DLG1: variants seen among roughly 807,000 people sequenced by gnomAD.
The protein encoded by DLG1 is disks large homolog 1.
In DLG1, 42 loss-of-function variants were observed where a neutral mutation model predicts 123.4. The ratio of observed to expected loss-of-function variants is 0.34; its 90% CI spans 0.27 to 0.44. The LOEUF (loss-of-function observed/expected upper bound fraction) is 0.44, where lower values mean the gene tolerates loss of function less well. DLG1 is among the 20% of genes least tolerant of loss of function. The probability of loss-of-function intolerance (pLI) is 1.00; values close to 1 mark genes in which losing one functional copy is unlikely to be tolerated. For synonymous variants in DLG1, 317 were observed against 356.2 expected (o/e 0.89, Z 1.24); for missense variants, 942 against 1,082.6 (o/e 0.87, Z 1.82).
chr3:197,135,767 A>G (rs1337597266), intron 10 of DLG1, among the ~76,000 whole-genome samples: 1 of 152,192 alleles, frequency 6.6e-6, no homozygotes, highest in Non-Finnish European at 1.5e-5. Context: ...AAAAGCTTCA[A>G]AACAAATAAT....
intron 14 of DLG1, among the ~76,000 whole-genome samples, chr3:197,092,597 C>T (rs1250362096): frequency 6.6e-6 from 1 of 152,088 alleles, no homozygotes; most frequent in Non-Finnish European, 1.5e-5. Flanking sequence ...AGCTCCTGGG[C>T]TCAAGCAATC....
intron 4 of DLG1, among the ~76,000 whole-genome samples, chr3:197,241,441 T>C (rs1748788057): frequency 6.6e-6 from 1 of 151,830 alleles, no homozygotes; most frequent in African/African-American, 2.4e-5. Flanking sequence ...AACACTACCA[T>C]GAAAAATAAA....
rs1808663448 is a variant in DLG1 at position 197,179,045 on chromosome 3, ACAGTT to A, written c.483+15375_483+15379del. On this transcript the variant is annotated intron_variant, in intron 5 of 24. Coordinates refer to ENST00000667157, the MANE Select transcript of DLG1 (RefSeq NM_001366207.1). Reference sequence around the variant, plus strand: ...GTGAATATGGGTAAGCTTTAGGCACACAGTTCATTTATTTTAGCAGGCTGGAACAC... The same window carrying A: ...GTGAATATGGGTAAGCTTTAGGCACACATTTATTTTAGCAGGCTGGAACAC... Among the ~76,000 whole-genome samples, 4 of 152,270 alleles carry A rather than the reference ACAGTT, an allele frequency of 2.6e-5. No homozygotes were observed. In the South Asian group the frequency reaches 8.3e-4, roughly 32 times the overall value.
At chr3:197,047,323 A>ATGTT (rs1724014894) in intron 24 of DLG1, among the ~76,000 whole-genome samples, 1 of 152,322 alleles carries the variant, frequency 6.6e-6, no homozygotes, top group Admixed American at 6.5e-5. Flanking sequence ...ATGTGGTAAA[A>ATGTT]TGTTAACACT....
At chr3:197,151,593 A>C (rs1420773760) in intron 5 of DLG1, among the ~76,000 whole-genome samples, 1 of 152,234 alleles carries the variant, frequency 6.6e-6, no homozygotes, top group Non-Finnish European at 1.5e-5. Context: ...GGGTATACAT[A>C]GAGTTCATTG....
intron 4 of DLG1, among the ~76,000 whole-genome samples, chr3:197,233,244 C>T (rs912297382): frequency 2.0e-5 from 3 of 152,114 alleles, no homozygotes; most frequent in Non-Finnish European, 4.4e-5. Flanking sequence ...AATACTCATA[C>T]ACTGAAAGTT....
chr3:197,294,495 C>CA (rs1482324367), intron 3 of DLG1, among the ~76,000 whole-genome samples: 1 of 151,666 alleles, frequency 6.6e-6, no homozygotes, highest in African/African-American at 2.4e-5. Flanking sequence ...AAATACAATA[C>CA]AAAAAATAAA....
At chr3:197,259,982 T>G (rs577322327) in intron 4 of DLG1, among the ~76,000 whole-genome samples, 1 of 152,232 alleles carries the variant, frequency 6.6e-6, no homozygotes, top group East Asian at 1.9e-4. Flanking sequence ...CTGAGAAGAT[T>G]TAAATATAAT....
At chr3:197,127,861 G>A (rs563905102) in intron 11 of DLG1, among the ~76,000 whole-genome samples, 1 of 152,098 alleles carries the variant, frequency 6.6e-6, no homozygotes, top group African/African-American at 2.4e-5. Context: ...GTAAGGAATA[G>A]CATTATGTCT....
rs776563318 is a variant in DLG1 at position 197,044,380 on chromosome 3, A to C, written c.*243T>G. The C allele has an allele frequency of 1.8e-4, 58 of 330,874 alleles. 1 individual carries two copies. Among genetic ancestry groups the C allele is most frequent in the Non-Finnish European group, 3.0e-4 (55 of 183,310 alleles). The allele number at this position is 330,874 out of a possible 1,614,324, so 20.5% of individuals were successfully genotyped here. On this transcript the variant is annotated 3_prime_UTR_variant, in exon 25 of 25. Transcript: ENST00000667157. Reference sequence around the variant, plus strand: ...AATTTCTGCGTCTCCCCACGTTCTTAATAGCTGGTCAGGCCATTCCATCTT... The same window carrying C: ...AATTTCTGCGTCTCCCCACGTTCTTCATAGCTGGTCAGGCCATTCCATCTT...
At chr3:197,161,848 C>G in intron 5 of DLG1, 2 of 663,262 alleles carry the variant, frequency 3.0e-6, no homozygotes, top group Non-Finnish European at 2.5e-6. Flanking sequence ...AATAACTATG[C>G]AACAGGAAAA....
chr3:197,260,750 C>CAAAAAAAAAAAAA, intron 4 of DLG1, among the ~76,000 whole-genome samples: 42 of 18,326 alleles, frequency 2.3e-3, no homozygotes, highest in Admixed American at 3.2e-3. Context: ...TGACAACCAC[C>CAAAAAAAAAAAAA]AAAAAAAAAA....
intron 3 of DLG1, among the ~76,000 whole-genome samples, chr3:197,292,463 G>C (rs540653729): frequency 2.6e-5 from 4 of 152,294 alleles, no homozygotes; most frequent in Admixed American, 2.6e-4. Context: ...GAGAGGAAAG[G>C]GGAGCAGTTG....
intron 5 of DLG1, among the ~76,000 whole-genome samples, chr3:197,178,500 T>C (rs368426894): frequency 6.6e-6 from 1 of 152,114 alleles, no homozygotes; most frequent in Non-Finnish European, 1.5e-5. Context: ...AGTAGAAAGT[T>C]AGATATAAAA....
At chr3:197,225,022 T>C (rs1015798374) in intron 4 of DLG1, among the ~76,000 whole-genome samples, 3 of 152,210 alleles carry the variant, frequency 2.0e-5, no homozygotes, top group Non-Finnish European at 4.4e-5. Flanking sequence ...AGTGGCGCGA[T>C]CTTGGCTCAC....
chr3:197,191,985 G>A (rs1346817636), intron 5 of DLG1, among the ~76,000 whole-genome samples: 4 of 152,028 alleles, frequency 2.6e-5, no homozygotes, highest in African/African-American at 9.7e-5. Context: ...AAACAAGCCT[G>A]GGCAACAGAG....
chr3:197,283,306 T>C (rs1770265351), intron 3 of DLG1, among the ~76,000 whole-genome samples: 2 of 152,094 alleles, frequency 1.3e-5, no homozygotes, highest in Non-Finnish European at 2.9e-5. Flanking sequence ...ATATCTAAGC[T>C]GGGAATGTAA....
chr3:197,202,534 T>C (rs1178311725), intron 4 of DLG1, among the ~76,000 whole-genome samples: 2 of 152,180 alleles, frequency 1.3e-5, no homozygotes, highest in Non-Finnish European at 2.9e-5. Context: ...TTTAAACCCA[T>C]TCCTGATTTT....
At chr3:197,297,420 G>C (rs779766517) in intron 1 of DLG1, 185 bp from the exon 2 acceptor site, 2 of 1,415,994 alleles carry the variant, frequency 1.4e-6, no homozygotes, top group Non-Finnish European at 1.8e-6. Flanking sequence ...CCTTGGAGTG[G>C]GTACCCCTCC....
Sources: allele counts gnomAD v4.1 joint callset (sites outside exome capture counted in the v4.1 genomes callset), GRCh38; gene constraint gnomAD v4.1.1; transcripts MANE v1.5; gene names NCBI Gene and HGNC (gene_info 2026-07-23, HGNC 2026-07-21).